PRKAR1B: variants seen among roughly 807,000 people sequenced by gnomAD.
PRKAR1B encodes the protein cAMP-dependent protein kinase type I-beta regulatory subunit.
In PRKAR1B, 22 loss-of-function variants were observed where a neutral mutation model predicts 46.5. The ratio of observed to expected loss-of-function variants is 0.47; its 90% CI spans 0.34 to 0.68. PRKAR1B has a LOEUF of 0.68. Ranked by LOEUF, PRKAR1B falls within the 30% of genes least tolerant of loss-of-function variation. The pLI is 0.01. For synonymous variants in PRKAR1B, 259 were observed against 217.7 expected, an observed-to-expected ratio of 1.19 and a Z score of -1.67; for missense variants, 445 against 535.6, an observed-to-expected ratio of 0.83 and a Z score of 1.67.
At chr7:660,360 T>C (rs1177493824) in intron 4 of PRKAR1B, among the ~76,000 whole-genome samples, 1 of 151,770 alleles carries the variant, frequency 6.6e-6, no homozygotes. Flanking sequence ...CGGGTCCAAA[T>C]ACCTACAATC....
At position 564,619 on chromosome 7, in the gene PRKAR1B, G is replaced by A. The variant is rs374010737; in HGVS notation, c.892-13149C>T. ...CTGCACACAAATGTTCCCTCAGCCT[G>A]GAGGGCATTCCTAGGCCTCTTCCCG... On this transcript the variant is annotated intron_variant, in intron 9 of 10. Transcript: ENST00000537384. Among the ~76,000 whole-genome samples, 6 of 152,312 alleles carry A rather than the reference G, an allele frequency of 3.9e-5. No homozygotes were observed. In the South Asian group the frequency reaches 6.2e-4, roughly 16 times the overall value.
At chr7:681,283 T>C (rs1423679256) in intron 2 of PRKAR1B, among the ~76,000 whole-genome samples, 6 of 150,626 alleles carry the variant, frequency 4.0e-5, no homozygotes, top group Non-Finnish European at 8.8e-5. Context: ...GGGTGGTTCT[T>C]TATAGCAGTA....
chr7:619,610 T>C (rs1393285368), intron 4 of PRKAR1B, among the ~76,000 whole-genome samples: 1 of 152,184 alleles, frequency 6.6e-6, no homozygotes. Context: ...CTCTTGCATC[T>C]ATTAAATATG....
intron 4 of PRKAR1B, among the ~76,000 whole-genome samples, chr7:662,685 C>G (rs1418865044): frequency 3.3e-5 from 5 of 151,840 alleles, no homozygotes; most frequent in Non-Finnish European, 7.4e-5. Flanking sequence ...CTACTCTCCC[C>G]TCAGTGGCAC....
At chr7:583,627 AACCCCCACACTC>A (rs2128446617) in intron 8 of PRKAR1B, among the ~76,000 whole-genome samples, 2 of 114,424 alleles carry the variant, frequency 1.7e-5, no homozygotes, top group African/African-American at 7.8e-5. Context: ...TGCACACTCA[AACCCCCACACTC>A]ACATGCATGC....
In PRKAR1B at chr7:666,113, G is replaced by A. The variant is rs564670992; in HGVS notation, c.440+11116C>T. Among the ~76,000 whole-genome samples, 10 of 152,138 alleles carry A rather than the reference G, an allele frequency of 6.6e-5. No homozygotes were observed. The highest frequency in any genetic ancestry group is 1.2e-4 in the Non-Finnish European group (8 of 68,022). On this transcript the variant is annotated intron_variant, in intron 4 of 10. Transcript: ENST00000537384. The surrounding 1 kb of genome is among the most constrained non-coding windows in gnomAD (Gnocchi z 4.9). ...GTGCCACCCAATTATCACGTTTCTC[G>A]GCTCCCAGGAGCTCAGCGATGCTCC...
At chr7:690,402 C>T (rs1779347499) in intron 2 of PRKAR1B, among the ~76,000 whole-genome samples, 1 of 151,986 alleles carries the variant, frequency 6.6e-6, no homozygotes, top group Non-Finnish European at 1.5e-5. Context: ...TAGACCTCAG[C>T]ATCACGCCGC....
chr7:593,290 G>A lies in PRKAR1B; in HGVS notation c.708+2856C>T, dbSNP rs145973168. Among the ~76,000 whole-genome samples, 160 of 152,222 alleles carry A rather than the reference G, an allele frequency of 1.1e-3. 2 individuals carry two copies. Among genetic ancestry groups the A allele is most frequent in the South Asian group, 6.0e-3 (29 of 4,830 alleles). ...GGAGACACCAGACCGGGTCTCCCGC[G>A]TCCCCCAGGTCCCAGCACGTCCCAG... On this transcript the variant is annotated intron_variant, in intron 7 of 10. Transcript: ENST00000537384. This position sits in a 1 kb window ranked among gnomAD's most constrained non-coding sequence, Gnocchi z 6.1.
chr7:677,344 C>A (rs780004189), intron 3 of PRKAR1B, 24 bp from the exon 4 acceptor site: 1 of 1,607,996 alleles, frequency 6.2e-7, no homozygotes, highest in Non-Finnish European at 8.5e-7. Context: ...AACACATCAC[C>A]GTGTGAGCCA....
At position 640,010 on chromosome 7, in the gene PRKAR1B, A is replaced by G. The variant is rs543923642; in HGVS notation, c.441-32558T>C. Among the ~76,000 whole-genome samples the G allele has an allele frequency of 2.0e-5, 3 of 151,522 alleles. 1 individual carries two copies. The highest frequency in any genetic ancestry group is 7.3e-5 in the African/African-American group (3 of 41,302). On this transcript the variant is annotated intron_variant, in intron 4 of 10. Coordinates refer to ENST00000537384, the MANE Select transcript of PRKAR1B (RefSeq NM_001164760.2). ...AAACCCCATCTCTACTAAAAATAAA[A>G]AAGTTAGCCAGGCGTGGTGGCATGC...
chr7:699,658 A>G (rs1779957665), intron 2 of PRKAR1B, among the ~76,000 whole-genome samples: 1 of 152,108 alleles, frequency 6.6e-6, no homozygotes, highest in Non-Finnish European at 1.5e-5. Flanking sequence ...CGTGGCCCTA[A>G]AGCAAGTGCT....
chr7:631,230 C>T (rs922734773), intron 4 of PRKAR1B, among the ~76,000 whole-genome samples: 3 of 152,230 alleles, frequency 2.0e-5, no homozygotes, highest in Non-Finnish European at 4.4e-5. Context: ...GGATGACAGG[C>T]GTGAGCCGCC....
chr7:590,182 G>A (rs112305073), intron 7 of PRKAR1B, among the ~76,000 whole-genome samples: 88 of 152,336 alleles, frequency 5.8e-4, no homozygotes, highest in African/African-American at 2.0e-3. Context: ...GAGGAGTGTG[G>A]CTCCCACAGC....
intron 4 of PRKAR1B, among the ~76,000 whole-genome samples, chr7:621,617 A>C (rs1783111366): frequency 6.6e-6 from 1 of 152,194 alleles, no homozygotes; most frequent in African/African-American, 2.4e-5. Context: ...TAAGGGGCTC[A>C]CTATTGAGCA....
At chr7:568,499 T>G (rs1489285291) in intron 9 of PRKAR1B, among the ~76,000 whole-genome samples, 1 of 152,182 alleles carries the variant, frequency 6.6e-6, no homozygotes, top group African/African-American at 2.4e-5. Flanking sequence ...GCCCCGGGCA[T>G]GCGGACTTCC....
At chr7:630,888 T>C (rs904803359) in intron 4 of PRKAR1B, among the ~76,000 whole-genome samples, 2 of 151,608 alleles carry the variant, frequency 1.3e-5, no homozygotes, top group African/African-American at 2.4e-5. Context: ...TCAGATAAGA[T>C]GGAAACTCAG....
At chr7:635,098 T>C (rs35395627) in intron 4 of PRKAR1B, among the ~76,000 whole-genome samples, 1,581 of 152,318 alleles carry the variant, frequency 0.01, 18 homozygotes, top group South Asian at 0.024. Flanking sequence ...CCTTGCAACG[T>C]TTCTGTGTGA....
intron 9 of PRKAR1B, among the ~76,000 whole-genome samples, chr7:566,623 TATC>T (rs1461132518): frequency 3.3e-5 from 2 of 60,480 alleles, no homozygotes; most frequent in East Asian, 6.3e-4. Flanking sequence ...CCTTCATCAC[TATC>T]ATCACCATCA....
intron 1 of PRKAR1B, among the ~76,000 whole-genome samples, chr7:724,365 C>G (rs921470469): frequency 6.6e-6 from 1 of 152,164 alleles, no homozygotes; most frequent in Non-Finnish European, 1.5e-5. Flanking sequence ...TGTGCTGTTC[C>G]TATGATGGTG....
Sources: allele counts gnomAD v4.1 joint callset (sites outside exome capture counted in the v4.1 genomes callset), GRCh38; gene constraint gnomAD v4.1.1; non-coding constraint Gnocchi (gnomAD v3.1); transcripts MANE v1.5; gene names NCBI Gene and HGNC (gene_info 2026-07-23, HGNC 2026-07-21).